Variants in CADM2 observed in about 807,000 individuals in gnomAD.
The protein encoded by CADM2 is immunoglobulin superfamily member 4D.
A neutral mutation model predicts 49.8 loss-of-function variants in CADM2; 12 were observed. The observed-to-expected ratio is 0.24, with a 90% CI of 0.15 to 0.39. CADM2 has a LOEUF of 0.39. Among genes scored for constraint, CADM2 ranks in the 10% least tolerant of loss-of-function variants. The pLI is 1.00. For synonymous variants in CADM2, 214 were observed against 175.4 expected, an observed-to-expected ratio of 1.22 and a Z score of -1.74; for missense variants, 378 against 492.3, an observed-to-expected ratio of 0.77 and a Z score of 2.20.
chr3:85,813,278 A>C (rs2072998223), intron 3 of CADM2, among the ~76,000 whole-genome samples: 1 of 152,068 alleles, frequency 6.6e-6, no homozygotes. Flanking sequence ...TGTGGTTTTG[A>C]TTTGCATTTC....
At chr3:85,184,456 T>G (rs2107710807) in intron 1 of CADM2, among the ~76,000 whole-genome samples, 1 of 152,226 alleles carries the variant, frequency 6.6e-6, no homozygotes, top group East Asian at 1.9e-4. Context: ...ACTTTAAAAA[T>G]ATTACTCTGC....
rs1218172083 is a variant in CADM2, at chr3:85,408,074, T to A, written c.62-318448T>A. On this transcript the variant is annotated intron_variant, in intron 1 of 9. Transcript: ENST00000383699. ...GGACTTAATCAGCAATAATTTTATT[T>A]AAAAAATAAGATACTAGAATTGAAG... Among the ~76,000 whole-genome samples, 11 of 150,242 alleles carry A rather than the reference T, an allele frequency of 7.3e-5. No individual in the cohort carries two copies. The South Asian group carries it at 1.9e-3, about 26-fold the overall frequency.
At chr3:85,618,902 A>G (rs67391933) in intron 1 of CADM2, among the ~76,000 whole-genome samples, 85,927 of 151,774 alleles carry the variant, frequency 0.57, 25,869 homozygotes, top group East Asian at 0.82. Flanking sequence ...TAAAAGAGGC[A>G]TAGTTGTGGG....
At chr3:85,934,650 T>G (rs1720979712) in intron 6 of CADM2, among the ~76,000 whole-genome samples, 1 of 152,100 alleles carries the variant, frequency 6.6e-6, no homozygotes, top group African/African-American at 2.4e-5. Flanking sequence ...TATAAACTAT[T>G]ACATTTTATT....
At chr3:85,307,043 G>C (rs2044229774) in intron 1 of CADM2, among the ~76,000 whole-genome samples, 1 of 151,472 alleles carries the variant, frequency 6.6e-6, no homozygotes, top group South Asian at 2.1e-4. Flanking sequence ...ATGCATTATT[G>C]TGTGCGTGTT....
At chr3:85,992,342 G>A in intron 8 of CADM2, 1 of 151,986 alleles carries the variant, frequency 6.6e-6, no homozygotes, top group Non-Finnish European at 1.5e-5. Flanking sequence ...TTTTTAGTAA[G>A]TTTTAATGAC....
At chr3:85,449,602 T>C (rs1233109709) in intron 1 of CADM2, among the ~76,000 whole-genome samples, 2 of 151,870 alleles carry the variant, frequency 1.3e-5, no homozygotes, top group South Asian at 4.1e-4. Context: ...GCATATAAAG[T>C]AGTACTAAAA....
At chr3:85,882,575 A>G (rs1712975498) in intron 3 of CADM2, among the ~76,000 whole-genome samples, 1 of 152,076 alleles carries the variant, frequency 6.6e-6, no homozygotes, top group Non-Finnish European at 1.5e-5. Context: ...CTACAGCTCT[A>G]CTTAGTAGAG....
chr3:85,149,387 A>G (rs970910762), intron 1 of CADM2, among the ~76,000 whole-genome samples: 26 of 152,136 alleles, frequency 1.7e-4, no homozygotes, highest in African/African-American at 6.3e-4. Context: ...AGTCTTAGGT[A>G]TGCTTTTATA....
chr3:85,883,868 C>T (rs554062050), intron 4 of CADM2, among the ~76,000 whole-genome samples: 2 of 152,258 alleles, frequency 1.3e-5, no homozygotes, highest in South Asian at 2.1e-4. Flanking sequence ...TGATAAGGGC[C>T]TTTCTTGCTA....
rs944097964 is a variant in CADM2 at position 85,959,719 on chromosome 3, A to G, written c.792-1750A>G. ...ATACATTTTCCATGTCTATACACTC[A>G]AATACTTACCATTGTGTTACAATTT... On this transcript the variant is annotated intron_variant, in intron 7 of 9. Transcript: ENST00000383699. 2.6e-5 allele frequency among the ~76,000 whole-genome samples: 4 copies of G among 151,934 alleles called. No homozygotes were observed. The Admixed American group carries it at 2.6e-4, about 10-fold the overall frequency.
At chr3:85,831,538 A>G (rs910457271) in intron 3 of CADM2, among the ~76,000 whole-genome samples, 3 of 152,016 alleles carry the variant, frequency 2.0e-5, no homozygotes, top group Admixed American at 6.6e-5. Flanking sequence ...ATGGTGTGAA[A>G]TGATATCTCA....
chr3:86,000,822 A>T (rs1730094491), intron 8 of CADM2, among the ~76,000 whole-genome samples: 1 of 152,126 alleles, frequency 6.6e-6, no homozygotes, highest in Admixed American at 6.5e-5. Context: ...TTATTTTAAG[A>T]ATTTGAGTTT....
intron 3 of CADM2, among the ~76,000 whole-genome samples, chr3:85,822,130 T>C (rs535604126): frequency 6.6e-6 from 1 of 152,202 alleles, no homozygotes; most frequent in Admixed American, 6.6e-5. Flanking sequence ...TTGGATTGGT[T>C]ACAGCATTTC....
intron 1 of CADM2, among the ~76,000 whole-genome samples, chr3:85,176,166 G>A (rs907112282): frequency 2.0e-5 from 3 of 151,852 alleles, no homozygotes; most frequent in Non-Finnish European, 2.9e-5. Flanking sequence ...CTATTTAATG[G>A]GTTTTGAAAG....
intron 1 of CADM2, among the ~76,000 whole-genome samples, chr3:85,512,929 T>C (rs186077865): frequency 1.3e-5 from 2 of 152,220 alleles, no homozygotes; most frequent in African/African-American, 4.8e-5. Flanking sequence ...TTTTGTAAAC[T>C]AAATCAAATT....
intron 1 of CADM2, among the ~76,000 whole-genome samples, chr3:85,280,784 AC>A (rs1259001623): frequency 1.3e-5 from 2 of 149,220 alleles, no homozygotes; most frequent in African/African-American, 5.0e-5. Context: ...TTGGTTGAAA[AC>A]AAAAACAGTA....
chr3:85,124,102 C>G (rs923105666), intron 1 of CADM2, among the ~76,000 whole-genome samples: 21 of 152,240 alleles, frequency 1.4e-4, no homozygotes, highest in African/African-American at 4.3e-4. Context: ...AATTGGGGCC[C>G]TTCTAAGTTA....
chr3:85,897,086 G>T (rs1437734246), intron 5 of CADM2, among the ~76,000 whole-genome samples: 1 of 151,910 alleles, frequency 6.6e-6, no homozygotes, highest in Non-Finnish European at 1.5e-5. Context: ...AAAGGAAGGG[G>T]CTTCCTAAAG....
Sources: allele counts gnomAD v4.1 joint callset (sites outside exome capture counted in the v4.1 genomes callset), GRCh38; gene constraint gnomAD v4.1.1; transcripts MANE v1.5; gene names NCBI Gene and HGNC (gene_info 2026-07-23, HGNC 2026-07-21).